The following DHX8 variants were observed in gnomAD, a reference collection of about 807,000 sequenced individuals.
The protein encoded by DHX8 is ATP-dependent RNA helicase DHX8.
In DHX8, 67 loss-of-function variants were observed where a neutral mutation model predicts 140.7. The ratio of observed to expected loss-of-function variants is 0.48; its 90% CI spans 0.39 to 0.58. The LOEUF (loss-of-function observed/expected upper bound fraction) is 0.58. Among genes scored for constraint, DHX8 ranks in the 20% least tolerant of loss-of-function variants. The pLI is 0.00. For missense variants in DHX8, 887 were observed against 1,550.7 expected (o/e 0.57, Z 7.19); for synonymous variants, 533 against 553.2 (o/e 0.96, Z 0.51).
chr17:43,524,090 A>AC lies in DHX8; in HGVS notation c.*244dup, dbSNP rs567381751. 1.9e-5 allele frequency: 26 copies of AC among 1,360,504 alleles called. No homozygotes were observed. The highest frequency in any genetic ancestry group is 5.7e-4 in the Middle Eastern group (2 of 3,510). The allele number at this position is 1,360,504 out of a possible 1,614,324, so 84.3% of individuals were successfully genotyped here. ...GGGCCCAGTTGGGAGCTCATATCTA[A>AC]CACAGAGACACATTGCATCAACTTC... On this transcript the variant is annotated 3_prime_UTR_variant, in exon 23 of 23. Transcript: ENST00000262415.
At chr17:43,494,917 T>C (rs1284230916) in intron 8 of DHX8, among the ~76,000 whole-genome samples, 2 of 151,358 alleles carry the variant, frequency 1.3e-5, no homozygotes, top group Non-Finnish European at 2.9e-5. Flanking sequence ...GTTCAAGCGA[T>C]TGTCGTGCCT....
intron 2 of DHX8, among the ~76,000 whole-genome samples, chr17:43,535,448 T>C (rs1358645209): frequency 6.6e-6 from 1 of 152,048 alleles, no homozygotes; most frequent in Non-Finnish European, 1.5e-5. Flanking sequence ...CGGCTAATTT[T>C]TGTATTTTAG....
In DHX8 at chr17:43,492,788, C is replaced by T; in HGVS notation, c.611C>T (p.Ser204Phe). The change falls in exon 6 of 23, where the codon TCC becomes TTC. Residue 204 changes from serine (S) to phenylalanine (F), a missense_variant. Around this residue, in one of 9 missense-constraint regions of DHX8, gnomAD observed 304 missense variants for 306.9 expected, o/e 0.99. Transcript: ENST00000262415. ...AGAGACCACAAGCGGAGACACCGATCCCGCTCTCGATCACGTTCCAGGACC... is the reference window on the plus strand; with the variant it reads ...AGAGACCACAAGCGGAGACACCGATTCCGCTCTCGATCACGTTCCAGGACC... Reference protein sequence around the residue: ...RDRDHKRRHRSRSRSRSRTRE... With the variant: ...RDRDHKRRHRFRSRSRSRTRE... The T allele has an allele frequency of 6.2e-7, 1 of 1,614,076 alleles. No individual in the cohort carries two copies. The highest frequency in any genetic ancestry group is 8.5e-7 in the Non-Finnish European group (1 of 1,180,010).
chr17:43,513,707 A>ATT (rs1969965283), intron 17 of DHX8, among the ~76,000 whole-genome samples: 1 of 112,154 alleles, frequency 8.9e-6, no homozygotes, highest in African/African-American at 3.3e-5. Flanking sequence ...GAAGTTTTTA[A>ATT]TCTTTTTTTT....
rs1188849349 is a variant in DHX8 at position 43,490,589 on chromosome 17, T to G, written c.307+126T>G. 4 of 799,776 alleles carry G rather than the reference T, an allele frequency of 5.0e-6. No homozygotes were observed. The African/African-American group carries it at 6.9e-5, about 14-fold the overall frequency. 49.5% of individuals were successfully genotyped at this position (799,776 alleles called of 1,614,324 possible). ...AAATGTTCCAGTAAGATTTTTCAAA[T>G]GGGCTGGGCCTAGCGGCTCACTGCT... is the stretch of plus-strand genomic sequence containing the variant. On this transcript the variant is annotated intron_variant, in intron 3 of 22. Coordinates refer to ENST00000262415, the MANE Select transcript of DHX8 (RefSeq NM_004941.3).
At chr17:43,533,296 G>A in intron 2 of DHX8, 3 of 1,613,952 alleles carry the variant, frequency 1.9e-6, no homozygotes, top group Non-Finnish European at 2.5e-6. Flanking sequence ...GACTGTCCAA[G>A]GGCACCAGGG....
chr17:43,505,179 G>A (rs560960524), intron 12 of DHX8, among the ~76,000 whole-genome samples: 22 of 152,268 alleles, frequency 1.4e-4, no homozygotes, highest in East Asian at 1.4e-3. Context: ...GGAGGCAAAG[G>A]TGGGCGGATC....
intron 12 of DHX8, among the ~76,000 whole-genome samples, chr17:43,506,672 G>A (rs901469823): frequency 6.6e-6 from 1 of 151,752 alleles, no homozygotes; most frequent in African/African-American, 2.4e-5. Context: ...ATAGGCTCTG[G>A]TTTATTTAAC....
chr17:43,505,133 G>T (rs983006652), intron 12 of DHX8, among the ~76,000 whole-genome samples: 3 of 152,078 alleles, frequency 2.0e-5, no homozygotes, highest in Non-Finnish European at 4.4e-5. Flanking sequence ...AAATTTGGTG[G>T]GGCGTGGTGG....
At chr17:43,495,831 G>A (rs925633575) in intron 8 of DHX8, among the ~76,000 whole-genome samples, 3 of 152,142 alleles carry the variant, frequency 2.0e-5, no homozygotes, top group Admixed American at 6.5e-5. Context: ...TGGGCATGTC[G>A]CTGACACATG....
chr17:43,516,388 T>C (rs1452382892), intron 17 of DHX8, among the ~76,000 whole-genome samples: 1 of 152,220 alleles, frequency 6.6e-6, no homozygotes, highest in Non-Finnish European at 1.5e-5. Flanking sequence ...TTGCATTTAA[T>C]GCGAATGAAC....
downstream of DHX8, chr17:43,529,828 GCAGGGA>G: frequency 6.2e-7 from 1 of 1,602,510 alleles, no homozygotes. Context: ...TGTGACTCCT[GCAGGGA>G]CACAGCGTGA....
chr17:43,486,867 C>T (rs1968185544), intron 1 of DHX8, among the ~76,000 whole-genome samples: 1 of 141,244 alleles, frequency 7.1e-6, no homozygotes. Flanking sequence ...CAGAGCAAGA[C>T]TCCGTCTCAA....
At chr17:43,491,310 G>T in intron 4 of DHX8, 60 bp downstream of exon 4, 2 of 915,212 alleles carry the variant, frequency 2.2e-6, no homozygotes, top group Non-Finnish European at 3.2e-6. Context: ...CCTTTTCTTT[G>T]TCTCATAGTA....
At chr17:43,526,016 ATC>A, downstream of DHX8, 1 of 985,338 alleles carries the variant, frequency 1.0e-6, no homozygotes, top group Non-Finnish European at 1.2e-6. Flanking sequence ...TTCCTTGACC[ATC>A]TCTCTACGCT....
intron 1 of DHX8, among the ~76,000 whole-genome samples, chr17:43,484,432 TTG>T (rs1968003863): frequency 6.6e-6 from 1 of 151,950 alleles, no homozygotes; most frequent in Admixed American, 6.6e-5. Context: ...TGATTGTTTT[TTG>T]TTTGTTTTTT....
intron 16 of DHX8, among the ~76,000 whole-genome samples, chr17:43,508,913 C>T (rs1424764141): frequency 6.6e-6 from 1 of 151,972 alleles, no homozygotes; most frequent in African/African-American, 2.4e-5. Context: ...GCCACCGCGC[C>T]CGGCCAGGTG....
At chr17:43,520,349 G>T in intron 19 of DHX8, 82 bp downstream of exon 19, 1 of 1,510,660 alleles carries the variant, frequency 6.6e-7, no homozygotes, top group Admixed American at 2.2e-5. Flanking sequence ...TACAAAATCA[G>T]GCTGAGGCCG....
chr17:43,518,055 G>A (rs899497251), intron 18 of DHX8: 3 of 152,142 alleles, frequency 2.0e-5, no homozygotes, highest in Non-Finnish European at 4.4e-5. Context: ...TCCAAACTGC[G>A]ACTTTGGGCA....
Sources: allele counts gnomAD v4.1 joint callset (sites outside exome capture counted in the v4.1 genomes callset), GRCh38; gene constraint gnomAD v4.1.1; regional missense constraint gnomAD v4.1.1; transcripts MANE v1.5; gene names NCBI Gene and HGNC (gene_info 2026-07-23, HGNC 2026-07-21).